Variants in SF1 observed in about 807,000 individuals in gnomAD.
The protein encoded by SF1 is splicing factor 1, also known as branch point-binding protein.
SF1 carries 7 observed loss-of-function variants against 62.5 expected under a neutral mutation model. That is an observed-to-expected ratio of 0.11 (90% CI 0.06 to 0.21). SF1 has a LOEUF of 0.21. SF1 is among the 10% of genes least tolerant of loss of function. The pLI, the probability that SF1 is intolerant of heterozygous loss-of-function variation, is 1.00. For missense variants in SF1, 578 were observed against 884.0 expected (o/e 0.65, Z 4.39); for synonymous variants, 394 against 323.6 (o/e 1.22, Z -2.33).
Position 64,766,294 on chromosome 11 carries a change from G to GGGGGGGGGGGGGGGGGGGGGGGGGGC in SF1, c.1583-140_1583-139insGCCCCCCCCCCCCCCCCCCCCCCCCC. The GGGGGGGGGGGGGGGGGGGGGGGGGGC allele has an allele frequency of 8.2e-5, 7 of 85,182 alleles. 2 individuals are homozygous for GGGGGGGGGGGGGGGGGGGGGGGGGGC. Among genetic ancestry groups the GGGGGGGGGGGGGGGGGGGGGGGGGGC allele is most frequent in the South Asian group, 4.8e-4 (1 of 2,092 alleles). The allele number at this position is 85,182 out of a possible 1,614,324, so 5.3% of individuals were successfully genotyped here. ...CGGTGGTGGGGGGCGGGTGGGCGGG[G>GGGGGGGGGGGGGGGGGGGGGGGGGGC]CTGGTGATGGGGAGTGGAGGGGTGG... On this transcript the variant is annotated intron_variant, in intron 12 of 12. Transcript: ENST00000377390.
intron 1 of SF1, chr11:64,777,919 G>A (rs1592542376): frequency 8.3e-6 from 8 of 965,290 alleles, no homozygotes; most frequent in Non-Finnish European, 8.6e-6. Flanking sequence ...CGTCGCCGCC[G>A]CCGCGCGCCC....
At chr11:64,772,307 A>T in intron 3 of SF1, 1 of 984,864 alleles carries the variant, frequency 1.0e-6, no homozygotes, top group Non-Finnish European at 1.2e-6. Flanking sequence ...GTGGTCTATG[A>T]CCTACAATGT....
chr11:64,771,023 G>GT (rs1358578655), intron 3 of SF1, among the ~76,000 whole-genome samples: 1 of 152,208 alleles, frequency 6.6e-6, no homozygotes, highest in African/African-American at 2.4e-5. Flanking sequence ...GAGACAACCT[G>GT]TTTTCTGGCT....
chr11:64,770,178 C>A, intron 4 of SF1, 78 bp downstream of exon 4: 1 of 1,566,230 alleles, frequency 6.4e-7, no homozygotes, highest in Non-Finnish European at 8.8e-7. Context: ...GTGAGTAGTA[C>A]CAATACTGTC....
intron 3 of SF1, chr11:64,772,163 G>C (rs680273): frequency 0.85 from 841,300 of 985,000 alleles, 373,593 homozygotes; most frequent in Non-Finnish European, 0.91. Flanking sequence ...GCATCGGCTA[G>C]ATCAACTAAA....
intron 5 of SF1, 22 bp downstream of exon 5, chr11:64,769,942 C>G: frequency 1.3e-6 from 2 of 1,563,540 alleles, no homozygotes; most frequent in Non-Finnish European, 1.8e-6. Context: ...ATTCTATATC[C>G]TATAGACCAG....
chr11:64,778,261 A>C, intron 1 of SF1, 101 bp downstream of exon 1: 3 of 1,192,824 alleles, frequency 2.5e-6, no homozygotes, highest in East Asian at 3.5e-5. Context: ...GCGGCCCGGG[A>C]GCCAGCAGCC....
At chr11:64,772,323 T>TA (rs879863787) in intron 3 of SF1, 8,490 of 769,202 alleles carry the variant, frequency 0.011, 3 homozygotes, top group African/African-American at 0.014. Flanking sequence ...AATGTAAATT[T>TA]AAAAAAAAAA....
chr11:64,773,382 G>C, intron 3 of SF1, 48 bp downstream of exon 3: 2 of 1,601,834 alleles, frequency 1.2e-6, no homozygotes, highest in Non-Finnish European at 1.7e-6. Context: ...AACGTATTGA[G>C]AAAAAGGTAA....
At position 64,765,775 on chromosome 11, in the gene SF1, C is replaced by G; in HGVS notation, c.*43G>C. The G allele has an allele frequency of 6.7e-7, 1 of 1,496,800 alleles. No homozygotes were observed. The highest frequency in any genetic ancestry group is 1.3e-5 in the South Asian group (1 of 75,736). 92.7% of individuals were successfully genotyped at this position (1,496,800 alleles called of 1,614,324 possible). A position where few individuals can be genotyped will look rare whatever the true frequency, so the allele number is the denominator to read the frequency against. Reference sequence around the variant, plus strand: ...GAGGTTCGGCGTGTTTAAACGAGACCAATTCTCTCTATATATAATATATAT... The same window carrying G: ...GAGGTTCGGCGTGTTTAAACGAGACGAATTCTCTCTATATATAATATATAT... On this transcript the variant is annotated 3_prime_UTR_variant, in exon 13 of 13. Coordinates refer to ENST00000377390, the MANE Select transcript of SF1 (RefSeq NM_004630.4).
chr11:64,777,758 G>C (rs1195213515), intron 1 of SF1: 1 of 985,382 alleles, frequency 1.0e-6, no homozygotes, highest in African/African-American at 1.7e-5. Context: ...ACCTCACTGC[G>C]TCTGCGCACA....
At chr11:64,773,136 C>T in intron 3 of SF1, 1 of 1,216,874 alleles carries the variant, frequency 8.2e-7, no homozygotes, top group Non-Finnish European at 1.0e-6. Flanking sequence ...CGGGCCACCT[C>T]ACTGTCCCCT....
chr11:64,773,668 C>T (rs1938666419), intron 2 of SF1, among the ~76,000 whole-genome samples, 163 bp from the exon 3 acceptor site: 1 of 152,198 alleles, frequency 6.6e-6, no homozygotes, highest in Admixed American at 6.5e-5. Flanking sequence ...CACCTATCGG[C>T]AGGAGTCCTT....
intron 12 of SF1, 115 bp downstream of exon 12, chr11:64,766,785 A>C: frequency 1.2e-6 from 1 of 806,426 alleles, no homozygotes; most frequent in East Asian, 3.0e-5. Flanking sequence ...TTACAACCCC[A>C]GCAGAGCCCA....
intron 3 of SF1, chr11:64,772,339 C>G: frequency 1.0e-6 from 1 of 968,492 alleles, no homozygotes; most frequent in Non-Finnish European, 1.2e-6. Flanking sequence ...AAAAAAAAAT[C>G]TTCAAAAAGA....
At chr11:64,770,872 CAT>C (rs1470336562) in intron 3 of SF1, among the ~76,000 whole-genome samples, 1 of 152,210 alleles carries the variant, frequency 6.6e-6, no homozygotes, top group African/African-American at 2.4e-5. Flanking sequence ...ACCCCTAACA[CAT>C]AGTATGTATG....
At chr11:64,771,885 A>G in intron 3 of SF1, 1 of 985,436 alleles carries the variant, frequency 1.0e-6, no homozygotes, top group Non-Finnish European at 1.2e-6. Context: ...AAAACCAATC[A>G]GGCATTAGGG....
chr11:64,776,429 A>G lies in SF1; in HGVS notation c.160+69T>C, dbSNP rs11231868. 7.3e-5 allele frequency: 111 copies of G among 1,517,118 alleles called. 1 individual carries two copies. The East Asian group carries it at 1.3e-3, about 17-fold the overall frequency. 94.0% of individuals were successfully genotyped at this position (1,517,118 alleles called of 1,614,324 possible). ...TAACTACAATCTCAAACTTTCAAAA[A>G]ATGCAGATCTTGCTCAGAATAAATC... On this transcript the variant is annotated intron_variant, in intron 2 of 12. Coordinates refer to ENST00000377390, the MANE Select transcript of SF1 (RefSeq NM_004630.4).
At chr11:64,768,984 C>T (rs371849629) in intron 8 of SF1, 38 bp downstream of exon 8, 142 of 1,394,280 alleles carry the variant, frequency 1.0e-4, no homozygotes, top group Non-Finnish European at 1.4e-4. Flanking sequence ...TCCTGCACAT[C>T]GCAGGCTACC....
Sources: allele counts gnomAD v4.1 joint callset (sites outside exome capture counted in the v4.1 genomes callset), GRCh38; gene constraint gnomAD v4.1.1; transcripts MANE v1.5; gene names NCBI Gene and HGNC (gene_info 2026-07-23, HGNC 2026-07-21).